Variants in CAB39L observed in about 807,000 individuals in gnomAD.
CAB39L encodes calcium-binding protein 39-like.
CAB39L carries 23 observed loss-of-function variants against 39.1 expected under a neutral mutation model. The observed-to-expected ratio is 0.59, with a 90% CI of 0.42 to 0.83. The LOEUF (loss-of-function observed/expected upper bound fraction) is 0.83, where lower values mean the gene tolerates loss of function less well. Among genes scored for constraint, CAB39L ranks in the 40% least tolerant of loss-of-function variants. The pLI is 0.00. For missense variants in CAB39L, 366 were observed against 391.9 expected, an observed-to-expected ratio of 0.93 and a Z score of 0.56; for synonymous variants, 126 against 137.2, an observed-to-expected ratio of 0.92 and a Z score of 0.57.
Position 49,364,968 on chromosome 13 carries a change from A to C in CAB39L, c.277-5136T>G, listed in dbSNP as rs182076830. 1.9e-3 allele frequency among the ~76,000 whole-genome samples: 295 copies of C among 152,288 alleles called. 2 individuals are homozygous for C. The highest frequency in any genetic ancestry group is 6.7e-3 in the African/African-American group (280 of 41,556). On this transcript the variant is annotated intron_variant, in intron 5 of 10. Transcript: ENST00000409308. ...CATCCTAAAATTTACATGGAACCAC[A>C]AAAAACCCAGAATAGCCAAAACCAT...
chr13:49,434,596 A>G (rs1007351374), intron 1 of CAB39L, among the ~76,000 whole-genome samples: 1 of 152,206 alleles, frequency 6.6e-6, no homozygotes, highest in Non-Finnish European at 1.5e-5. Flanking sequence ...GTACTGGCTC[A>G]TCACTGTAAT....
intron 6 of CAB39L, among the ~76,000 whole-genome samples, chr13:49,355,736 G>A (rs1208617452): frequency 6.6e-6 from 1 of 151,690 alleles, no homozygotes; most frequent in African/African-American, 2.4e-5. Flanking sequence ...TCAGATACTA[G>A]AAGAGTGTGT....
intron 5 of CAB39L, among the ~76,000 whole-genome samples, chr13:49,363,665 T>C (rs1412162509): frequency 6.6e-6 from 1 of 150,376 alleles, no homozygotes; most frequent in Non-Finnish European, 1.5e-5. Flanking sequence ...ATAATAACAT[T>C]GTATGTAAAT....
intron 9 of CAB39L, among the ~76,000 whole-genome samples, chr13:49,338,030 A>C (rs538163278): frequency 6.6e-6 from 1 of 152,240 alleles, no homozygotes; most frequent in Admixed American, 6.5e-5. Flanking sequence ...AAACTATGCT[A>C]TTTACGGGTA....
chr13:49,309,637 C>A lies in CAB39L; in HGVS notation c.*1177G>T, dbSNP rs1953931411. 1 of 152,104 alleles carries A rather than the reference C, an allele frequency of 6.6e-6. No homozygotes were observed. The highest frequency in any genetic ancestry group is 2.1e-4 in the South Asian group (1 of 4,826). The allele number at this position is 152,104 out of a possible 1,614,324, so 9.4% of individuals were successfully genotyped here. A position where few individuals can be genotyped will look rare whatever the true frequency, so the allele number is the denominator to read the frequency against. On this transcript the variant is annotated 3_prime_UTR_variant, in exon 11 of 11. Transcript: ENST00000409308. ...CTTTTAAAATATTTTTGATTCCAAGCCTTTTTATAAGGAAGAGGAATTAAC... is the reference window on the plus strand; with the variant it reads ...CTTTTAAAATATTTTTGATTCCAAGACTTTTTATAAGGAAGAGGAATTAAC...
chr13:49,378,150 C>T (rs1430091873), intron 4 of CAB39L, among the ~76,000 whole-genome samples: 1 of 78,486 alleles, frequency 1.3e-5, no homozygotes, highest in Non-Finnish European at 2.5e-5. Flanking sequence ...GGAGCCCCTC[C>T]GCCCGGCAGC....
chr13:49,366,497 C>T (rs894882849), intron 5 of CAB39L, among the ~76,000 whole-genome samples: 3 of 151,520 alleles, frequency 2.0e-5, no homozygotes, highest in African/African-American at 4.9e-5. Flanking sequence ...CTTGGTGGCA[C>T]GCACCTATAA....
chr13:49,439,703 G>A (rs530404327), intron 1 of CAB39L, among the ~76,000 whole-genome samples: 15 of 152,252 alleles, frequency 9.9e-5, no homozygotes, highest in East Asian at 5.8e-4. Flanking sequence ...CCCACCAACC[G>A]TGTGTAAGTG....
intron 3 of CAB39L, chr13:49,420,610 C>A (rs1036879036): frequency 5.9e-5 from 9 of 152,530 alleles, no homozygotes; most frequent in African/African-American, 2.2e-4. Flanking sequence ...CAAGTAGGGG[C>A]TTCTGGGTAG....
intron 3 of CAB39L, among the ~76,000 whole-genome samples, chr13:49,397,749 A>G (rs1349039677): frequency 6.6e-6 from 1 of 152,070 alleles, no homozygotes; most frequent in Non-Finnish European, 1.5e-5. Context: ...TTATATTAGA[A>G]TTTTACAATC....
chr13:49,383,500 T>C (rs1037546295), intron 3 of CAB39L, among the ~76,000 whole-genome samples: 2 of 152,192 alleles, frequency 1.3e-5, no homozygotes, highest in African/African-American at 4.8e-5. Context: ...TAATAATCAA[T>C]GATCAAATAT....
intron 2 of CAB39L, 39 bp downstream of exon 2, chr13:49,434,047 G>C (rs542535240): frequency 3.7e-4 from 155 of 424,506 alleles, no homozygotes; most frequent in Middle Eastern, 2.1e-3. Context: ...GTGTGTATGC[G>C]TGTGCTTGTT....
chr13:49,389,770 T>C lies in CAB39L; in HGVS notation c.-31-6829A>G, dbSNP rs148889631. The stretch of plus-strand genomic sequence containing the variant: ...AGTTTATACTTTCACAGCTGTGTAG[T>C]GTGAGTTGCAGTTATCACCCATCCT... On this transcript the variant is annotated intron_variant, in intron 3 of 10. Coordinates refer to ENST00000409308, the MANE Select transcript of CAB39L (RefSeq NM_001079670.3). Among the ~76,000 whole-genome samples the C allele has an allele frequency of 3.3e-5, 5 of 152,310 alleles. No individual in the cohort carries two copies. In the East Asian group the frequency reaches 5.8e-4, roughly 18 times the overall value.
intron 1 of CAB39L, among the ~76,000 whole-genome samples, chr13:49,440,161 G>C (rs1239313442): frequency 6.6e-6 from 1 of 152,044 alleles, no homozygotes; most frequent in African/African-American, 2.4e-5. Flanking sequence ...TCCCAAGGCT[G>C]ATGTCCAGAA....
At chr13:49,315,118 CATAAAT>C (rs1284967083) in intron 10 of CAB39L, among the ~76,000 whole-genome samples, 1 of 152,188 alleles carries the variant, frequency 6.6e-6, no homozygotes, top group Non-Finnish European at 1.5e-5. Flanking sequence ...TGAAATTGTT[CATAAAT>C]ATGATATATA....
At chr13:49,440,033 C>T (rs1460556664) in intron 1 of CAB39L, among the ~76,000 whole-genome samples, 2 of 139,636 alleles carry the variant, frequency 1.4e-5, no homozygotes, top group Non-Finnish European at 1.5e-5. Context: ...TGCAGGTTAT[C>T]TGTTTGCTCT....
At chr13:49,340,440 G>A (rs953795128) in intron 8 of CAB39L, among the ~76,000 whole-genome samples, 21 of 152,202 alleles carry the variant, frequency 1.4e-4, no homozygotes, top group African/African-American at 5.1e-4. Context: ...GAACTGAAGA[G>A]GGTGACAAAC....
chr13:49,395,184 CT>C (rs375335698), intron 3 of CAB39L, among the ~76,000 whole-genome samples: 24 of 145,086 alleles, frequency 1.7e-4, no homozygotes, highest in South Asian at 2.2e-4. Flanking sequence ...AACAAATAAC[CT>C]TTTTTTTTTA....
At chr13:49,424,368 A>G (rs542095065) in intron 3 of CAB39L, among the ~76,000 whole-genome samples, 48 of 152,346 alleles carry the variant, frequency 3.2e-4, no homozygotes, top group African/African-American at 1.1e-3. Context: ...ATTGAGGAAC[A>G]CTTTTACAAA....
Sources: gnomAD v4.1 joint callset for allele counts (sites outside exome capture counted in the v4.1 genomes callset) on GRCh38, gnomAD v4.1.1 for gene constraint, MANE v1.5 for transcripts, NCBI Gene and HGNC (gene_info 2026-07-23, HGNC 2026-07-21) for gene names.